Variants in ZNF618 observed in about 807,000 individuals in gnomAD.
ZNF618 encodes the protein neural precursor cell expressed, developmentally down-regulated 10.
Under a neutral mutation model 103.0 loss-of-function variants are expected in ZNF618, and 34 were observed. The observed-to-expected ratio is 0.33, with a 90% CI of 0.25 to 0.44. ZNF618 has a LOEUF of 0.44. Ranked by LOEUF, ZNF618 falls within the 20% of genes least tolerant of loss-of-function variation. The probability of loss-of-function intolerance (pLI) is 1.00; values close to 1 mark genes in which losing one functional copy is unlikely to be tolerated. For missense variants in ZNF618, 1,059 were observed against 1,295.4 expected (o/e 0.82, Z 2.80); for synonymous variants, 551 against 542.2 (o/e 1.02, Z -0.23).
At chr9:113,935,666 C>G (rs185413719) in intron 1 of ZNF618, among the ~76,000 whole-genome samples, 3 of 152,162 alleles carry the variant, frequency 2.0e-5, no homozygotes, top group Non-Finnish European at 4.4e-5. Context: ...TCTTCTCCTT[C>G]GAGCCCAATG....
At position 113,904,182 on chromosome 9, in the gene ZNF618, C is replaced by CTT. The variant is rs201899646; in HGVS notation, c.33+27779_33+27780dup. ...TTTCTTCTTTAATATCTAACCTCTT[C>CTT]TTTTTTTTTTTCTAACCTATTCTTA... On this transcript the variant is annotated intron_variant, in intron 1 of 14. Coordinates refer to ENST00000374126, the MANE Select transcript of ZNF618 (RefSeq NM_001318042.2). 1.7e-3 allele frequency among the ~76,000 whole-genome samples: 242 copies of CTT among 144,954 alleles called. 2 individuals carry two copies. Among genetic ancestry groups the CTT allele is most frequent in the African/African-American group, 5.8e-3 (228 of 39,476 alleles).
At chr9:113,982,986 G>T (rs1839107607) in intron 2 of ZNF618, among the ~76,000 whole-genome samples, 2 of 152,168 alleles carry the variant, frequency 1.3e-5, no homozygotes, top group Non-Finnish European at 2.9e-5. Context: ...ATTTTATGTT[G>T]AAGTGTGACT....
At position 113,923,687 on chromosome 9, in the gene ZNF618, A is replaced by G. The variant is rs954695037; in HGVS notation, c.34-45430A>G. 2.6e-5 allele frequency among the ~76,000 whole-genome samples: 4 copies of G among 152,184 alleles called. No individual in the cohort carries two copies. In the South Asian group the frequency reaches 6.2e-4, roughly 24 times the overall value. ...ACATTTTTAGGTTCAATTTTGTACT[A>G]TTTTGTTGATCATTTATCCACCTTT... On this transcript the variant is annotated intron_variant, in intron 1 of 14. Transcript: ENST00000374126.
rs182487806 is a variant in ZNF618 at position 113,912,416 on chromosome 9, G to C, written c.33+36003G>C. ...TGGGATATGGGTGGGGCCAGGGTAAGAGCCAGTTTAGGAAAGAAACTGTCA... is the reference window on the plus strand; with the variant it reads ...TGGGATATGGGTGGGGCCAGGGTAACAGCCAGTTTAGGAAAGAAACTGTCA... On this transcript the variant is annotated intron_variant, in intron 1 of 14. Coordinates refer to ENST00000374126, the MANE Select transcript of ZNF618 (RefSeq NM_001318042.2). 4.6e-5 allele frequency among the ~76,000 whole-genome samples: 7 copies of C among 152,308 alleles called. No individual in the cohort carries two copies. In the South Asian group the frequency reaches 1.5e-3, roughly 32 times the overall value.
intron 1 of ZNF618, among the ~76,000 whole-genome samples, chr9:113,949,912 ATTCCCTGGCCT>A (rs1298878702): frequency 1.3e-5 from 2 of 152,098 alleles, no homozygotes; most frequent in African/African-American, 4.8e-5. Flanking sequence ...ACGGGAGGCA[ATTCCCTGGCCT>A]CTGGTGCAGT....
intron 1 of ZNF618, among the ~76,000 whole-genome samples, chr9:113,938,738 T>G (rs182793152): frequency 6.6e-6 from 1 of 151,922 alleles, no homozygotes. Context: ...CCGGCTAATG[T>G]TTTGTATTTT....
chr9:113,911,529 G>A (rs930161882), intron 1 of ZNF618, among the ~76,000 whole-genome samples: 1 of 151,036 alleles, frequency 6.6e-6, no homozygotes, highest in African/African-American at 2.4e-5. Flanking sequence ...GGGTTTCACC[G>A]TGTTATCTAG....
chr9:114,037,738 T>A (rs930293497), intron 13 of ZNF618, among the ~76,000 whole-genome samples: 9 of 152,346 alleles, frequency 5.9e-5, no homozygotes, highest in African/African-American at 2.2e-4. Context: ...GTTAGCGTAG[T>A]CTCTATCATT....
intron 10 of ZNF618, among the ~76,000 whole-genome samples, chr9:114,021,533 A>T (rs190184460): frequency 6.6e-6 from 1 of 152,118 alleles, no homozygotes; most frequent in Non-Finnish European, 1.5e-5. Context: ...TGAAGGTCAT[A>T]ATTAAGAAAA....
chr9:113,977,238 G>C (rs768643001), intron 2 of ZNF618, among the ~76,000 whole-genome samples: 1 of 152,194 alleles, frequency 6.6e-6, no homozygotes, highest in East Asian at 1.9e-4. Flanking sequence ...AGCTGGCGAC[G>C]TGGGCAGGAA....
chr9:113,965,740 G>T (rs890921029), intron 1 of ZNF618, among the ~76,000 whole-genome samples: 1 of 152,190 alleles, frequency 6.6e-6, no homozygotes, highest in Non-Finnish European at 1.5e-5. Flanking sequence ...GAGACTCAGA[G>T]CCAGGGAAAC....
intron 2 of ZNF618, among the ~76,000 whole-genome samples, chr9:113,985,996 C>T (rs769338411): frequency 2.0e-5 from 3 of 152,112 alleles, no homozygotes; most frequent in Non-Finnish European, 2.9e-5. Context: ...ACTTTCTTAC[C>T]GTGGAGAAGG....
chr9:113,991,729 G>A (rs1840081452), intron 3 of ZNF618, among the ~76,000 whole-genome samples: 1 of 152,188 alleles, frequency 6.6e-6, no homozygotes, highest in Non-Finnish European at 1.5e-5. Context: ...TTTCTCCCCT[G>A]GGAACTGGAC....
chr9:113,983,229 A>T (rs946027650), intron 2 of ZNF618, among the ~76,000 whole-genome samples: 47 of 152,168 alleles, frequency 3.1e-4, no homozygotes, highest in African/African-American at 9.2e-4. Flanking sequence ...TTAAAAAATG[A>T]TATATGAAAA....
At chr9:114,010,775 A>G (rs996096706) in intron 9 of ZNF618, among the ~76,000 whole-genome samples, 15 of 152,228 alleles carry the variant, frequency 9.9e-5, no homozygotes, top group Non-Finnish European at 2.1e-4. Flanking sequence ...GGACAGGAAC[A>G]GAGGATCTGT....
At chr9:114,002,713 G>A (rs1841361948) in intron 6 of ZNF618, 51 bp downstream of exon 6, 1 of 1,594,302 alleles carries the variant, frequency 6.3e-7, no homozygotes, top group Non-Finnish European at 8.5e-7. Flanking sequence ...GGCTTGGGGT[G>A]GGATGAAGAG....
At chr9:113,959,591 C>G (rs1037657730) in intron 1 of ZNF618, among the ~76,000 whole-genome samples, 2 of 152,196 alleles carry the variant, frequency 1.3e-5, no homozygotes, top group East Asian at 3.9e-4. Context: ...CGGATTTCCC[C>G]CTTTTCCTTT....
intron 1 of ZNF618, among the ~76,000 whole-genome samples, chr9:113,968,284 G>T (rs931030657): frequency 3.9e-5 from 6 of 152,180 alleles, no homozygotes; most frequent in Admixed American, 6.5e-5. Flanking sequence ...ACATAGGGCG[G>T]TACATTACCT....
intron 1 of ZNF618, among the ~76,000 whole-genome samples, chr9:113,890,189 C>T (rs1448343367): frequency 1.3e-5 from 2 of 152,182 alleles, no homozygotes; most frequent in South Asian, 4.1e-4. Context: ...AGTTTTTCTT[C>T]CCTGACTATA....
Sources: allele counts gnomAD v4.1 joint callset (sites outside exome capture counted in the v4.1 genomes callset), GRCh38; gene constraint gnomAD v4.1.1; transcripts MANE v1.5; gene names NCBI Gene and HGNC (gene_info 2026-07-23, HGNC 2026-07-21).